The following OPA1 variants were observed in gnomAD, a reference collection of about 807,000 sequenced individuals.
OPA1 encodes dynamin-like GTPase OPA1, mitochondrial.
In OPA1, 59 loss-of-function variants were observed where a neutral mutation model predicts 152.9. The ratio of observed to expected loss-of-function variants is 0.39; its 90% confidence interval spans 0.31 to 0.48. OPA1 has a LOEUF of 0.48. Ranked by LOEUF, OPA1 falls within the 20% of genes least tolerant of loss-of-function variation. The pLI is 0.96. For synonymous variants in OPA1, 400 were observed against 389.9 expected, an observed-to-expected ratio of 1.03 and a Z score of -0.31; for missense variants, 1,008 against 1,216.8, an observed-to-expected ratio of 0.83 and a Z score of 2.55.
At chr3:193,692,715 C>T (rs1721849159) in intron 30 of OPA1, among the ~76,000 whole-genome samples, 1 of 152,188 alleles carries the variant, frequency 6.6e-6, no homozygotes. Flanking sequence ...AAGGACTTTT[C>T]CTTAGTAGCA....
At chr3:193,655,272 A>G (rs1031454862) in intron 22 of OPA1, among the ~76,000 whole-genome samples, 1 of 152,174 alleles carries the variant, frequency 6.6e-6, no homozygotes, top group Non-Finnish European at 1.5e-5. Flanking sequence ...TCCAAAGACA[A>G]TATTTAACAA....
At chr3:193,670,873 G>C (rs1442149416) in intron 29 of OPA1, among the ~76,000 whole-genome samples, 1 of 152,102 alleles carries the variant, frequency 6.6e-6, no homozygotes, top group Non-Finnish European at 1.5e-5. Flanking sequence ...CATAGCTGGA[G>C]CAGGGAAAGG....
chr3:193,609,093 G>T (rs896134706), intron 1 of OPA1, among the ~76,000 whole-genome samples: 7 of 152,078 alleles, frequency 4.6e-5, no homozygotes, highest in African/African-American at 1.7e-4. Flanking sequence ...GAGCCTATGT[G>T]TGACTCTGCA....
At chr3:193,647,253 A>T (rs546831560) in intron 19 of OPA1, 73 bp downstream of exon 19, 16 of 898,296 alleles carry the variant, frequency 1.8e-5, no homozygotes, top group Non-Finnish European at 2.9e-5. Flanking sequence ...CATCCATACG[A>T]TTCTGTACTT....
intron 26 of OPA1, among the ~76,000 whole-genome samples, chr3:193,664,307 C>T (rs1182971933): frequency 6.6e-6 from 1 of 151,980 alleles, no homozygotes; most frequent in Non-Finnish European, 1.5e-5. Context: ...TCACTTACCT[C>T]ATCTGTCAAA....
chr3:193,684,137 T>TA (rs1177129291), intron 29 of OPA1, among the ~76,000 whole-genome samples: 3 of 152,156 alleles, frequency 2.0e-5, no homozygotes, highest in African/African-American at 7.2e-5. Context: ...AGTTAGATGA[T>TA]ACAATGAATC....
At chr3:193,660,838 G>T (rs372283417) in intron 25 of OPA1, among the ~76,000 whole-genome samples, 5 of 152,156 alleles carry the variant, frequency 3.3e-5, no homozygotes, top group Non-Finnish European at 5.9e-5. Context: ...CAGATGGGCC[G>T]AGAGAAGGAG....
At chr3:193,611,053 T>C (rs1037984507) in intron 1 of OPA1, among the ~76,000 whole-genome samples, 25 of 152,212 alleles carry the variant, frequency 1.6e-4, no homozygotes, top group Admixed American at 4.6e-4. Context: ...CTGCACCCAC[T>C]GTCTGACAAT....
At chr3:193,688,833 T>A (rs1321704532) in intron 29 of OPA1, among the ~76,000 whole-genome samples, 2 of 152,034 alleles carry the variant, frequency 1.3e-5, no homozygotes, top group Admixed American at 6.6e-5. Context: ...AAAATTGTTT[T>A]AAATTAGCCA....
chr3:193,646,905 G>A (rs1039761673), intron 18 of OPA1, among the ~76,000 whole-genome samples, 160 bp from the exon 19 acceptor site: 5 of 152,178 alleles, frequency 3.3e-5, no homozygotes, highest in African/African-American at 9.7e-5. Context: ...AGTAGCTACC[G>A]TATTGGAATG....
At chr3:193,642,110 G>A (rs1577238454) in intron 11 of OPA1, among the ~76,000 whole-genome samples, 2 of 152,086 alleles carry the variant, frequency 1.3e-5, no homozygotes, top group African/African-American at 2.4e-5. Flanking sequence ...AATGAGACTC[G>A]GTCTCAAAAC....
chr3:193,622,460 C>T (rs1051832269), intron 6 of OPA1, among the ~76,000 whole-genome samples: 8 of 152,084 alleles, frequency 5.3e-5, no homozygotes, highest in African/African-American at 1.9e-4. Context: ...ATCTCTTGAC[C>T]TCATGGTCCG....
chr3:193,598,559 T>C (rs1223039722), intron 1 of OPA1, among the ~76,000 whole-genome samples: 5 of 152,362 alleles, frequency 3.3e-5, no homozygotes, highest in East Asian at 1.9e-4. Flanking sequence ...GTAGGGTTTG[T>C]ATTTTGTTGG....
intron 25 of OPA1, among the ~76,000 whole-genome samples, chr3:193,660,052 G>A (rs1325674875): frequency 1.3e-5 from 2 of 152,184 alleles, no homozygotes; most frequent in Non-Finnish European, 2.9e-5. Flanking sequence ...TGAGGCTGAG[G>A]TGGGAAGGAT....
At chr3:193,630,963 T>C (rs907474270) in intron 7 of OPA1, among the ~76,000 whole-genome samples, 1 of 152,220 alleles carries the variant, frequency 6.6e-6, no homozygotes, top group African/African-American at 2.4e-5. Context: ...TTTTAGTTGC[T>C]TTACTTGGCT....
At position 193,615,907 on chromosome 3, in the gene OPA1, G is replaced by GA. The variant is rs1728938505; in HGVS notation, c.448+143dup. 1.2e-5 allele frequency: 8 copies of GA among 653,808 alleles called. No homozygotes were observed. The South Asian group carries it at 1.3e-4, about 10-fold the overall frequency. The allele number at this position is 653,808 out of a possible 1,614,324, so 40.5% of individuals were successfully genotyped here. A position where few individuals can be genotyped will look rare whatever the true frequency, so the allele number is the denominator to read the frequency against. On this transcript the variant is annotated intron_variant, in intron 3 of 30. Transcript: ENST00000361510. ...ATGATATAAGTAATAGAATATCAAT[G>GA]AAAAAATCTGTATAAAAGAAATACC... is the stretch of plus-strand genomic sequence containing the variant.
chr3:193,643,332 C>G (rs192005385), intron 13 of OPA1, 41 bp from the exon 14 acceptor site: 1 of 1,509,520 alleles, frequency 6.6e-7, no homozygotes, highest in Admixed American at 1.7e-5. Context: ...CAAATTCCCC[C>G]CAAACTTTAG....
chr3:193,684,611 C>T (rs922197568), intron 29 of OPA1, among the ~76,000 whole-genome samples: 1 of 151,900 alleles, frequency 6.6e-6, no homozygotes. Flanking sequence ...CCACTACGCC[C>T]GGCTAATTTT....
Position 193,623,622 on chromosome 3 carries a change from TTTA to T in OPA1, c.679-2467_679-2465del, listed in dbSNP as rs1730548605. Among the ~76,000 whole-genome samples the T allele has an allele frequency of 2.0e-5, 3 of 152,174 alleles. No individual in the cohort carries two copies. The South Asian group carries it at 6.2e-4, about 31-fold the overall frequency. On this transcript the variant is annotated intron_variant, in intron 6 of 30. Transcript: ENST00000361510. ...TATCATCTGTGATTGTTAATGATTATTTATTGTTATTTATAAATACTACTGTAT... is the reference window on the plus strand; with the variant it reads ...TATCATCTGTGATTGTTAATGATTATTTGTTATTTATAAATACTACTGTAT...
Sources: gnomAD v4.1 joint callset for allele counts (sites outside exome capture counted in the v4.1 genomes callset) on GRCh38, gnomAD v4.1.1 for gene constraint, MANE v1.5 for transcripts, NCBI Gene and HGNC (gene_info 2026-07-23, HGNC 2026-07-21) for gene names.